Variants in VWF observed in about 807,000 individuals in gnomAD.
VWF encodes Factor VIII related antigen.
VWF carries 176 observed loss-of-function variants against 308.6 expected under a neutral mutation model. The observed-to-expected ratio is 0.57, with a 90% CI of 0.50 to 0.65. The LOEUF (loss-of-function observed/expected upper bound fraction) is 0.65. VWF is among the 30% of genes least tolerant of loss of function. The pLI is 0.00. For missense variants in VWF, 3,146 were observed against 3,648.2 expected (o/e 0.86, Z 3.55); for synonymous variants, 1,385 against 1,443.4 (o/e 0.96, Z 0.92).
At position 5,968,183 on chromosome 12, in the gene VWF, G is replaced by T. The variant is rs758780708; in HGVS notation, c.7730-16C>A. The T allele has an allele frequency of 1.4e-5, 22 of 1,613,814 alleles. No homozygotes were observed. The highest frequency in any genetic ancestry group is 1.8e-5 in the Non-Finnish European group (21 of 1,179,946). ...TCCATGCGCTCTGGGGGAGAGAAAAGTGCAGAGTGAGAGTGGGCAAAACAC... is the reference window on the plus strand; with the variant it reads ...TCCATGCGCTCTGGGGGAGAGAAAATTGCAGAGTGAGAGTGGGCAAAACAC... On this transcript the variant is annotated splice_polypyrimidine_tract_variant and intron_variant, in intron 45 of 51. Coordinates refer to ENST00000261405, the MANE Select transcript of VWF (RefSeq NM_000552.5).
At chr12:5,993,226 T>C (rs1044492821) in intron 37 of VWF, among the ~76,000 whole-genome samples, 6 of 152,210 alleles carry the variant, frequency 3.9e-5, no homozygotes, top group Non-Finnish European at 8.8e-5. Context: ...AGTATTCTTT[T>C]CACTCCAGCA....
At chr12:6,010,508 G>A (rs1943981929) in intron 34 of VWF, among the ~76,000 whole-genome samples, 1 of 152,142 alleles carries the variant, frequency 6.6e-6, no homozygotes. Flanking sequence ...TCACTTCTAG[G>A]AATCTACCCT....
Position 5,979,561 on chromosome 12 carries a change from C to T in VWF, c.7287+2225G>A, listed in dbSNP as rs1193318992. 4.6e-5 allele frequency among the ~76,000 whole-genome samples: 7 copies of T among 151,426 alleles called. No individual in the cohort carries two copies. In the East Asian group the frequency reaches 1.2e-3, roughly 25 times the overall value. The stretch of plus-strand genomic sequence containing the variant: ...GGTCAAGAGATTGAGACCATCCTGG[C>T]CAACATGGTGAAATCCCGTCTCTAC... On this transcript the variant is annotated intron_variant, in intron 42 of 51. Transcript: ENST00000261405.
In VWF at chr12:6,018,438, C is replaced by T; in HGVS notation, c.4980G>A (p.Glu1660=). 2 of 1,613,216 alleles carry T rather than the reference C, an allele frequency of 1.2e-6. No homozygotes were observed. The highest frequency in any genetic ancestry group is 2.2e-5 in the South Asian group (2 of 91,032). The change falls in exon 28 of 52, where the codon GAG becomes GAA. Residue 1660 remains glutamate (E), a synonymous_variant. Transcript: ENST00000261405. ...LIQDFETLPR[E]APDLVLQRCC... is the part of the protein sequence containing the mutation. ...ACCTCTGCAGCACCAGGTCAGGAGC[C>T]TCTCGGGGGAGCGTCTCAAAGTCCT...
At chr12:6,041,536 C>T (rs1160151964) in intron 18 of VWF, among the ~76,000 whole-genome samples, 2 of 151,948 alleles carry the variant, frequency 1.3e-5, no homozygotes, top group Non-Finnish European at 2.9e-5. Flanking sequence ...GCAACCTCCG[C>T]CTCCTGGGTT....
At position 6,052,556 on chromosome 12, in the gene VWF, G is replaced by A. The variant is rs770830710; in HGVS notation, c.2173C>T (p.His725Tyr). 4 of 1,614,114 alleles carry A rather than the reference G, an allele frequency of 2.5e-6. No homozygotes were observed. The highest frequency in any genetic ancestry group is 2.5e-6 in the Non-Finnish European group (3 of 1,180,052). Residue 725 changes from histidine (H) to tyrosine (Y), a missense_variant, in exon 16 of 52, where the codon CAT becomes TAT. Coordinates refer to ENST00000261405, the MANE Select transcript of VWF (RefSeq NM_000552.5). Reference protein sequence around the residue: ...IFQPEDIFSDHHTMCYCEDGF... With the variant: ...IFQPEDIFSDYHTMCYCEDGF... ...GCCTGCACTTACCACATGGTGTGAT[G>A]GTCTGAGAAGATGTCTTCTGGCTGG...
chr12:6,005,142 A>G (rs1464270789), intron 34 of VWF, among the ~76,000 whole-genome samples: 1 of 152,234 alleles, frequency 6.6e-6, no homozygotes, highest in East Asian at 1.9e-4. Context: ...ATGTGGAGGT[A>G]CTAGTGCTAC....
At chr12:6,052,353 G>C (rs1174958693) in intron 16 of VWF, among the ~76,000 whole-genome samples, 190 bp downstream of exon 16, 1 of 152,256 alleles carries the variant, frequency 6.6e-6, no homozygotes, top group East Asian at 1.9e-4. Flanking sequence ...CCAGTTCCCT[G>C]TGTAGTAAGG....
intron 13 of VWF, among the ~76,000 whole-genome samples, chr12:6,059,771 A>T (rs1001492921): frequency 2.6e-4 from 40 of 152,248 alleles, no homozygotes; most frequent in African/African-American, 9.4e-4. Flanking sequence ...CAGCAGTGCC[A>T]GCAGACACTC....
chr12:6,031,578 C>A lies in VWF; in HGVS notation c.2686G>T (p.Asp896Tyr), dbSNP rs1022033438. 1 of 1,613,966 alleles carries A rather than the reference C, an allele frequency of 6.2e-7. No homozygotes were observed. The highest frequency in any genetic ancestry group is 8.5e-7 in the Non-Finnish European group (1 of 1,180,026). Residue 896 changes from aspartate to tyrosine, a missense_variant and splice_region_variant, in exon 21 of 52, where the codon GAT becomes TAT. Transcript: ENST00000261405. ...GTCCCAGGGTTACTGCCGCAGTAATCCTGGGGAAAGAGGAGTGCCAGGAGA... is the reference window on the plus strand; with the variant it reads ...GTCCCAGGGTTACTGCCGCAGTAATACTGGGGAAAGAGGAGTGCCAGGAGA... ...PGECQYVLVQ[D>Y]YCGSNPGTFR...
At position 5,980,854 on chromosome 12, in the gene VWF, T is replaced by C. The variant is rs111874794; in HGVS notation, c.7287+932A>G. Among the ~76,000 whole-genome samples the C allele has an allele frequency of 4.7e-3, 711 of 152,340 alleles. 4 individuals are homozygous for C. Among genetic ancestry groups the C allele is most frequent in the Middle Eastern group, 0.01 (3 of 294 alleles). On this transcript the variant is annotated intron_variant, in intron 42 of 51. Coordinates refer to ENST00000261405, the MANE Select transcript of VWF (RefSeq NM_000552.5). Reference sequence around the variant, plus strand: ...CTCAATGCAGCAGCTATAACTATGCTCAGGTCTTCCTGCTGCAGTTCTGGC... The same window carrying C: ...CTCAATGCAGCAGCTATAACTATGCCCAGGTCTTCCTGCTGCAGTTCTGGC...
intron 47 of VWF, among the ~76,000 whole-genome samples, chr12:5,964,101 C>T (rs370845938): frequency 1.6e-4 from 24 of 151,838 alleles, no homozygotes; most frequent in African/African-American, 5.6e-4. Flanking sequence ...CCTGTAGTCC[C>T]AGCTACTCAG....
At chr12:5,998,020 C>T (rs1410033053) in intron 34 of VWF, among the ~76,000 whole-genome samples, 1 of 152,174 alleles carries the variant, frequency 6.6e-6, no homozygotes, top group Non-Finnish European at 1.5e-5. Context: ...TTTTCTTCAA[C>T]ATCTTCTTAC....
intron 34 of VWF, among the ~76,000 whole-genome samples, chr12:5,996,423 T>A (rs1269343427): frequency 6.6e-6 from 1 of 152,116 alleles, no homozygotes; most frequent in Non-Finnish European, 1.5e-5. Flanking sequence ...GAGGTTTAGG[T>A]AAGTAACACT....
In VWF at chr12:6,025,677, G is replaced by A. The variant is rs571875867; in HGVS notation, c.3125C>T (p.Ser1042Phe). Reference sequence around the variant, plus strand: ...GATGTTGTTATGGCAGGTGGCAGGGGATGAGTCCAGAGGCACCTGGGAACC... The same window carrying A: ...GATGTTGTTATGGCAGGTGGCAGGGAATGAGTCCAGAGGCACCTGGGAACC... ...ADTRKVPLDS[S>F]PATCHNNIMK... Residue 1042 changes from serine (S) to phenylalanine (F), a missense_variant, in exon 24 of 52, where the codon TCC becomes TTC. Ser to Phe is a radical substitution (Grantham distance 155). Around this residue, in one of 3 missense-constraint regions of VWF, gnomAD observed 853 missense variants for 1,177.8 expected, o/e 0.72. Coordinates refer to ENST00000261405, the MANE Select transcript of VWF (RefSeq NM_000552.5). The A allele has an allele frequency of 2.0e-6, 3 of 1,528,452 alleles. No individual in the cohort carries two copies. In the African/African-American group the frequency reaches 4.1e-5, roughly 21 times the overall value. 94.7% of individuals were successfully genotyped at this position (1,528,452 alleles called of 1,614,324 possible). A position where few individuals can be genotyped will look rare whatever the true frequency, so the allele number is the denominator to read the frequency against.
chr12:6,081,475 G>A (rs1944909460), intron 6 of VWF, among the ~76,000 whole-genome samples: 1 of 152,156 alleles, frequency 6.6e-6, no homozygotes, highest in Non-Finnish European at 1.5e-5. Flanking sequence ...AAGTAGCTGG[G>A]ATTACAGGTA....
chr12:6,016,145 A>G lies in VWF; in HGVS notation c.5399T>C (p.Val1800Ala). 6.2e-7 allele frequency: 1 copy of G among 1,614,160 alleles called. No individual in the cohort carries two copies. The highest frequency in any genetic ancestry group is 1.1e-5 in the South Asian group (1 of 91,074). The stretch of plus-strand genomic sequence containing the variant: ...CACTGAATCCACAGAGACGTCCGTG[A>G]CCAGGATGACCACCGCCTTTGAGGC... Reference protein sequence around the residue: ...PGASKAVVILVTDVSVDSVDA... With the variant: ...PGASKAVVILATDVSVDSVDA... Residue 1800 changes from valine (V) to alanine (A), a missense_variant, in exon 31 of 52, where the codon GTC (valine) becomes GCC (alanine). Around this residue, in one of 3 missense-constraint regions of VWF, gnomAD observed 853 missense variants for 1,177.8 expected, o/e 0.72. Coordinates refer to ENST00000261405, the MANE Select transcript of VWF (RefSeq NM_000552.5).
At chr12:5,965,327 G>A (rs1020204678) in intron 47 of VWF, among the ~76,000 whole-genome samples, 19 of 152,176 alleles carry the variant, frequency 1.2e-4, no homozygotes, top group Middle Eastern at 3.4e-3. Flanking sequence ...TTTCATCGAC[G>A]GCTCGCAGCC....
chr12:6,076,024 C>T (rs1944839564), intron 6 of VWF, among the ~76,000 whole-genome samples: 1 of 152,106 alleles, frequency 6.6e-6, no homozygotes, highest in Admixed American at 6.5e-5. Context: ...CTGGGTCTCA[C>T]CCTAGGAGAT....
Sources: allele counts gnomAD v4.1 joint callset (sites outside exome capture counted in the v4.1 genomes callset), GRCh38; gene constraint gnomAD v4.1.1; regional missense constraint gnomAD v4.1.1; transcripts MANE v1.5; gene names NCBI Gene and HGNC (gene_info 2026-07-23, HGNC 2026-07-21).